The following FOXN2 variants were observed in gnomAD, a reference collection of about 807,000 sequenced individuals.
FOXN2 encodes the protein forkhead box protein N2.
A neutral mutation model predicts 41.2 loss-of-function variants in FOXN2; 19 were observed. The ratio of observed to expected loss-of-function variants is 0.46; its 90% confidence interval spans 0.32 to 0.68. FOXN2 has a LOEUF of 0.68. FOXN2 is among the 30% of genes least tolerant of loss of function. The pLI, the probability that FOXN2 is intolerant of heterozygous loss-of-function variation, is 0.03. For missense variants in FOXN2, 587 were observed against 509.4 expected, an observed-to-expected ratio of 1.15 and a Z score of -1.47; for synonymous variants, 195 against 176.8, an observed-to-expected ratio of 1.10 and a Z score of -0.82.
intron 5 of FOXN2, among the ~76,000 whole-genome samples, chr2:48,365,469 T>A (rs541375014): frequency 2.0e-5 from 3 of 152,332 alleles, no homozygotes; most frequent in African/African-American, 7.2e-5. Context: ...AACATTTTCT[T>A]TGTGAATTCT....
intron 3 of FOXN2, among the ~76,000 whole-genome samples, chr2:48,351,652 A>G: frequency 6.6e-6 from 1 of 152,112 alleles, no homozygotes; most frequent in East Asian, 1.9e-4. Context: ...TGCACAGTTC[A>G]CAATAGGGTT....
intron 4 of FOXN2, among the ~76,000 whole-genome samples, chr2:48,361,058 G>C (rs7600794): frequency 0.43 from 64,086 of 150,660 alleles, 13,718 homozygotes; most frequent in Non-Finnish European, 0.46. Flanking sequence ...ACCATTTTTT[G>C]TAAACCATCA....
intron 1 of FOXN2, among the ~76,000 whole-genome samples, chr2:48,316,826 G>T (rs1040972604): frequency 3.3e-5 from 5 of 152,100 alleles, no homozygotes; most frequent in Admixed American, 2.6e-4. Context: ...CAATTTTACT[G>T]GAAGAATGTT....
At chr2:48,371,301 G>A (rs1244006770) in intron 5 of FOXN2, among the ~76,000 whole-genome samples, 1 of 152,082 alleles carries the variant, frequency 6.6e-6, no homozygotes, top group Admixed American at 6.6e-5. Context: ...AGGAGACTGA[G>A]CACAAGAATC....
At chr2:48,336,431 G>GTA (rs1236198618) in intron 2 of FOXN2, among the ~76,000 whole-genome samples, 4 of 131,922 alleles carry the variant, frequency 3.0e-5, no homozygotes, top group African/African-American at 5.9e-5. Context: ...ATATATATAT[G>GTA]TATATGTGTG....
chr2:48,356,507 CATT>C (rs1671807471), intron 3 of FOXN2, among the ~76,000 whole-genome samples: 1 of 151,940 alleles, frequency 6.6e-6, no homozygotes. Flanking sequence ...CCATCTTAAA[CATT>C]ATTACTATGA....
intron 2 of FOXN2, among the ~76,000 whole-genome samples, chr2:48,337,306 T>A (rs981819752): frequency 6.6e-6 from 1 of 151,892 alleles, no homozygotes; most frequent in Non-Finnish European, 1.5e-5. Flanking sequence ...TTTTTTTTTT[T>A]TAAAGTGAGA....
chr2:48,372,291 G>C (rs1672953866), intron 5 of FOXN2, among the ~76,000 whole-genome samples: 1 of 152,164 alleles, frequency 6.6e-6, no homozygotes, highest in African/African-American at 2.4e-5. Context: ...TACCTTAAGA[G>C]AGTTTATGGT....
rs1490337647 is a variant in FOXN2, at chr2:48,315,347, A to G, written c.-157+533A>G. ...CTGGCTGGGCCCCGCCAAGTAGTGC[A>G]CGGGGAGGTGCCGGGGGCGGCCGGG... On this transcript the variant is annotated intron_variant, in intron 1 of 6. Transcript: ENST00000340553. Among the ~76,000 whole-genome samples the G allele has an allele frequency of 1.6e-4, 24 of 152,114 alleles. 2 individuals carry two copies. The highest frequency in any genetic ancestry group is 1.6e-3 in the Admixed American group (24 of 15,288).
intron 5 of FOXN2, among the ~76,000 whole-genome samples, chr2:48,368,135 C>T (rs1435128194): frequency 6.6e-6 from 1 of 152,176 alleles, no homozygotes. Flanking sequence ...AGCCACCACG[C>T]TTAGCCAAAT....
At chr2:48,343,205 T>A (rs1229901531) in intron 2 of FOXN2, among the ~76,000 whole-genome samples, 1 of 152,220 alleles carries the variant, frequency 6.6e-6, no homozygotes, top group African/African-American at 2.4e-5. Context: ...TTTAGAACCT[T>A]AGGGAAATGG....
intron 6 of FOXN2, 76 bp from the exon 7 acceptor site, chr2:48,374,844 A>T: frequency 8.2e-7 from 1 of 1,215,676 alleles, no homozygotes; most frequent in Non-Finnish European, 1.2e-6. Flanking sequence ...CTCAAGAGTA[A>T]TGTAGTAGTT....
In FOXN2 at chr2:48,328,594, T is replaced by A. The variant is rs929415046; in HGVS notation, c.-123T>A. The A allele has an allele frequency of 6.6e-6, 1 of 152,226 alleles. No homozygotes were observed. Among genetic ancestry groups the A allele is most frequent in the Admixed American group, 6.5e-5 (1 of 15,272 alleles). 9.4% of individuals were successfully genotyped at this position (152,226 alleles called of 1,614,324 possible). On this transcript the variant is annotated 5_prime_UTR_variant, in exon 2 of 7. It removes an upstream start codon present in the reference 5' UTR. Transcript: ENST00000340553. ...AGCCATGGATAACAGAACCCACAGA[T>A]GCAGAGGGCTGACTGTACAAGTCTG... is the stretch of plus-strand genomic sequence containing the variant.
At chr2:48,373,831 G>T (rs1393456460) in intron 6 of FOXN2, among the ~76,000 whole-genome samples, 1 of 152,044 alleles carries the variant, frequency 6.6e-6, no homozygotes, top group African/African-American at 2.4e-5. Context: ...AAGGCAGGTG[G>T]ATCACTTGAG....
rs186665406 is a variant in FOXN2 at position 48,334,074 on chromosome 2, A to G, written c.-15+5372A>G. Among the ~76,000 whole-genome samples the G allele has an allele frequency of 4.1e-3, 617 of 152,178 alleles. 2 individuals are homozygous for G. Among genetic ancestry groups the G allele is most frequent in the African/African-American group, 0.014 (571 of 41,456 alleles). ...GTTTTTTTGGTAACTTAAATATAGCAATTTGAGACCTTTCAGTATGGAGCA... is the reference window on the plus strand; with the variant it reads ...GTTTTTTTGGTAACTTAAATATAGCGATTTGAGACCTTTCAGTATGGAGCA... On this transcript the variant is annotated intron_variant, in intron 2 of 6. Transcript: ENST00000340553.
intron 2 of FOXN2, among the ~76,000 whole-genome samples, chr2:48,335,069 A>C (rs1046272759): frequency 6.6e-6 from 1 of 152,222 alleles, no homozygotes; most frequent in Non-Finnish European, 1.5e-5. Flanking sequence ...TAAAGTTCTA[A>C]TGAAAATAAG....
At chr2:48,324,911 T>A (rs184133160) in intron 1 of FOXN2, among the ~76,000 whole-genome samples, 1 of 152,274 alleles carries the variant, frequency 6.6e-6, no homozygotes, top group East Asian at 1.9e-4. Flanking sequence ...GTGGAGGAGT[T>A]GTCGTTAAAT....
At position 48,377,585 on chromosome 2, in the gene FOXN2, T is replaced by C. The variant is rs1245932213; in HGVS notation, c.*2142T>C. The C allele has an allele frequency of 1.3e-5, 2 of 152,078 alleles. No individual in the cohort carries two copies. The highest frequency in any genetic ancestry group is 1.3e-4 in the Admixed American group (2 of 15,268). The allele number at this position is 152,078 out of a possible 1,614,324, so 9.4% of individuals were successfully genotyped here. On this transcript the variant is annotated 3_prime_UTR_variant, in exon 7 of 7. Transcript: ENST00000340553. ...TATTTTGTCTTGATGTATGTAACAG[T>C]AATTCTTTACATCTTTTGATTTTTC...
At chr2:48,364,453 G>T (rs1262929048) in intron 5 of FOXN2, among the ~76,000 whole-genome samples, 1 of 152,048 alleles carries the variant, frequency 6.6e-6, no homozygotes, top group African/African-American at 2.4e-5. Context: ...TATGTGAATA[G>T]ATACACTTGC....
Sources: gnomAD v4.1 joint callset for allele counts (sites outside exome capture counted in the v4.1 genomes callset) on GRCh38, gnomAD v4.1.1 for gene constraint, MANE v1.5 for transcripts, NCBI Gene and HGNC (gene_info 2026-07-23, HGNC 2026-07-21) for gene names.